The following CTNNA3 variants were observed in gnomAD, a reference collection of about 807,000 sequenced individuals.
CTNNA3 encodes the protein catenin alpha 3.
Under a neutral mutation model 95.7 loss-of-function variants are expected in CTNNA3, and 76 were observed. That is an observed-to-expected ratio of 0.79 (90% confidence interval 0.66 to 0.96). The LOEUF (loss-of-function observed/expected upper bound fraction) is 0.96, where lower values mean the gene tolerates loss of function less well. CTNNA3 is among the 40% of genes least tolerant of loss of function. The probability of loss-of-function intolerance (pLI) is 0.00; values close to 1 mark genes in which losing one functional copy is unlikely to be tolerated. For synonymous variants in CTNNA3, 431 were observed against 374.4 expected (o/e 1.15, Z -1.74); for missense variants, 1,191 against 1,089.8 (o/e 1.09, Z -1.31).
chr10:66,824,285 A>G (rs747975190), intron 7 of CTNNA3, among the ~76,000 whole-genome samples: 2 of 152,166 alleles, frequency 1.3e-5, no homozygotes, highest in Non-Finnish European at 2.9e-5. Context: ...AACTTATAAA[A>G]CATTCAAGCA....
chr10:66,052,433 A>G (rs994619845), intron 15 of CTNNA3, among the ~76,000 whole-genome samples: 1 of 110,608 alleles, frequency 9.0e-6, no homozygotes, highest in Non-Finnish European at 2.1e-5. Context: ...TCTGTACTCA[A>G]GGTAAAGCAT....
chr10:66,032,645 A>T (rs1372455539), intron 15 of CTNNA3, among the ~76,000 whole-genome samples: 1 of 152,204 alleles, frequency 6.6e-6, no homozygotes, highest in Non-Finnish European at 1.5e-5. Flanking sequence ...GCAACATTTT[A>T]TGAGAGAACT....
chr10:66,183,925 G>A (rs61622657), intron 13 of CTNNA3, among the ~76,000 whole-genome samples: 47 of 151,926 alleles, frequency 3.1e-4, no homozygotes, highest in African/African-American at 1.1e-3. Flanking sequence ...AATTGAAGGT[G>A]TTTTTTTAAT....
chr10:67,041,119 G>A (rs1483944392), intron 7 of CTNNA3, among the ~76,000 whole-genome samples: 1 of 152,090 alleles, frequency 6.6e-6, no homozygotes, highest in Non-Finnish European at 1.5e-5. Flanking sequence ...AGGTATGTCA[G>A]TTGTCTCACT....
At chr10:66,786,330 A>C (rs2132862435) in intron 7 of CTNNA3, among the ~76,000 whole-genome samples, 1 of 152,232 alleles carries the variant, frequency 6.6e-6, no homozygotes, top group East Asian at 1.9e-4. Context: ...GCCTTCAGAA[A>C]CCTGAGAGCT....
At chr10:65,959,463 G>A (rs1055614075) in intron 17 of CTNNA3, among the ~76,000 whole-genome samples, 5 of 152,184 alleles carry the variant, frequency 3.3e-5, no homozygotes, top group Non-Finnish European at 7.3e-5. Context: ...CCCATCTTCT[G>A]TATCGCTCAT....
intron 7 of CTNNA3, among the ~76,000 whole-genome samples, chr10:67,119,238 G>A (rs1020329727): frequency 2.0e-5 from 3 of 151,686 alleles, no homozygotes; most frequent in African/African-American, 7.3e-5. Flanking sequence ...CTCTATTTAT[G>A]TCCACCTGCA....
At chr10:67,169,518 T>C (rs1461348865) in intron 7 of CTNNA3, among the ~76,000 whole-genome samples, 1 of 151,856 alleles carries the variant, frequency 6.6e-6, no homozygotes, top group African/African-American at 2.4e-5. Flanking sequence ...TGACAAAAAA[T>C]AACAATTGGG....
intron 14 of CTNNA3, among the ~76,000 whole-genome samples, chr10:66,073,304 T>A (rs2080479374): frequency 6.6e-6 from 1 of 152,126 alleles, no homozygotes; most frequent in Admixed American, 6.6e-5. Context: ...CTGTGTGAGG[T>A]AATGCATGTG....
intron 5 of CTNNA3, among the ~76,000 whole-genome samples, chr10:67,432,950 A>T (rs541174078): frequency 6.6e-6 from 1 of 152,154 alleles, no homozygotes; most frequent in East Asian, 1.9e-4. Flanking sequence ...GAGTATGTGT[A>T]GCACTTGTAT....
intron 11 of CTNNA3, among the ~76,000 whole-genome samples, chr10:66,509,373 A>G (rs1347612849): frequency 6.6e-6 from 1 of 152,000 alleles, no homozygotes; most frequent in Admixed American, 6.6e-5. Flanking sequence ...GCTGTGTAGA[A>G]GCTTTGTAGT....
In CTNNA3 at chr10:67,740,762, G is replaced by A. The variant is rs533176091; in HGVS notation, c.-2+22672C>T. 3.3e-5 allele frequency among the ~76,000 whole-genome samples: 5 copies of A among 151,274 alleles called. 1 individual carries two copies. The highest frequency in any genetic ancestry group is 4.4e-5 in the Non-Finnish European group (3 of 67,734). ...GGAAGACAGTGTGGCAATTCCTCAG[G>A]GATCTAGAACTACAAATACCATTTG... On this transcript the variant is annotated intron_variant, in intron 1 of 17. Coordinates refer to the CTNNA3 transcript ENST00000684154.
At chr10:67,210,873 C>G (rs2132240054) in intron 6 of CTNNA3, among the ~76,000 whole-genome samples, 1 of 152,202 alleles carries the variant, frequency 6.6e-6, no homozygotes, top group East Asian at 1.9e-4. Flanking sequence ...TTTATTTTTC[C>G]TTCATGCCTT....
chr10:67,012,559 T>C (rs1852404825), intron 7 of CTNNA3, among the ~76,000 whole-genome samples: 1 of 152,190 alleles, frequency 6.6e-6, no homozygotes, highest in African/African-American at 2.4e-5. Flanking sequence ...TTGTTCTTTT[T>C]CATCTTAGAA....
At chr10:66,391,662 G>A (rs1011203543) in intron 11 of CTNNA3, among the ~76,000 whole-genome samples, 2 of 152,116 alleles carry the variant, frequency 1.3e-5, no homozygotes, top group Non-Finnish European at 1.5e-5. Flanking sequence ...TAATCCTAAA[G>A]GCTATAGCTT....
chr10:66,913,171 G>A (rs1169539740), intron 7 of CTNNA3, among the ~76,000 whole-genome samples: 7 of 145,674 alleles, frequency 4.8e-5, no homozygotes, highest in East Asian at 2.0e-4. Flanking sequence ...CCCGGGAGGC[G>A]GAGCTTGCAG....
At chr10:67,226,198 A>T (rs780185240) in intron 5 of CTNNA3, among the ~76,000 whole-genome samples, 2 of 152,224 alleles carry the variant, frequency 1.3e-5, no homozygotes, top group African/African-American at 2.4e-5. Flanking sequence ...GAAAATATGA[A>T]CAAAGCCTCC....
At chr10:67,275,799 C>T (rs577472790) in intron 5 of CTNNA3, among the ~76,000 whole-genome samples, 1 of 152,236 alleles carries the variant, frequency 6.6e-6, no homozygotes, top group Non-Finnish European at 1.5e-5. Context: ...GTTAAATCAA[C>T]ACAATTTCTT....
intron 5 of CTNNA3, among the ~76,000 whole-genome samples, chr10:67,293,778 G>A (rs1839928433): frequency 6.7e-6 from 1 of 149,306 alleles, no homozygotes; most frequent in South Asian, 2.1e-4. Flanking sequence ...TTGGTTTTTT[G>A]TCCTTGCGAT....
Sources: allele counts gnomAD v4.1 joint callset (sites outside exome capture counted in the v4.1 genomes callset), GRCh38; gene constraint gnomAD v4.1.1; transcripts MANE v1.5; gene names NCBI Gene and HGNC (gene_info 2026-07-23, HGNC 2026-07-21).